Variants in CTNNA2 observed in about 807,000 individuals in gnomAD.
CTNNA2 encodes the protein catenin alpha-2.
CTNNA2 carries 42 observed loss-of-function variants against 101.0 expected under a neutral mutation model. The ratio of observed to expected loss-of-function variants is 0.42; its 90% CI spans 0.32 to 0.54. The LOEUF (loss-of-function observed/expected upper bound fraction) is 0.54. CTNNA2 is among the 20% of genes least tolerant of loss of function. The probability of loss-of-function intolerance (pLI) is 0.14; values close to 1 mark genes in which losing one functional copy is unlikely to be tolerated. For missense variants in CTNNA2, 871 were observed against 1,223.1 expected (o/e 0.71, Z 4.29); for synonymous variants, 450 against 456.4 (o/e 0.99, Z 0.18).
At chr2:80,027,972 C>CAAAAAA (rs1177032489) in intron 7 of CTNNA2, 43 of 19,750 alleles carry the variant, frequency 2.2e-3, no homozygotes, top group East Asian at 3.2e-3. Context: ...GACCCTGTCT[C>CAAAAAA]AAAAAAAAAA....
intron 7 of CTNNA2, among the ~76,000 whole-genome samples, chr2:80,057,601 G>A (rs775504816): frequency 7.2e-5 from 11 of 152,038 alleles, no homozygotes; most frequent in Non-Finnish European, 1.5e-4. Flanking sequence ...GGCAGTCCTC[G>A]GATGCTGTAT....
intron 12 of CTNNA2, chr2:80,572,723 G>A (rs1383490920): frequency 6.6e-6 from 1 of 152,110 alleles, no homozygotes; most frequent in Non-Finnish European, 1.5e-5. Flanking sequence ...TCATATTTGT[G>A]GCAGTACAGC....
intron 2 of CTNNA2, among the ~76,000 whole-genome samples, chr2:79,214,932 G>T (rs1329883315): frequency 6.6e-6 from 1 of 151,990 alleles, no homozygotes; most frequent in Non-Finnish European, 1.5e-5. Flanking sequence ...AGGGAAACAG[G>T]CCCTTGAAAA....
chr2:79,973,631 A>G (rs2104579456), intron 7 of CTNNA2, among the ~76,000 whole-genome samples: 1 of 152,286 alleles, frequency 6.6e-6, no homozygotes, highest in African/African-American at 2.4e-5. Flanking sequence ...CCTCACCAAA[A>G]TCTGATATTT....
At chr2:79,885,931 C>G (rs183522895) in intron 6 of CTNNA2, among the ~76,000 whole-genome samples, 1 of 152,238 alleles carries the variant, frequency 6.6e-6, no homozygotes. Flanking sequence ...CATCTCTAGG[C>G]CTTGGATTTT....
At chr2:80,353,032 G>T (rs1455304923) in intron 7 of CTNNA2, among the ~76,000 whole-genome samples, 1 of 152,084 alleles carries the variant, frequency 6.6e-6, no homozygotes, top group Non-Finnish European at 1.5e-5. Flanking sequence ...CTCTAAATGA[G>T]TGTTCAGGAG....
At chr2:80,349,735 G>C (rs1304704034) in intron 7 of CTNNA2, among the ~76,000 whole-genome samples, 1 of 152,022 alleles carries the variant, frequency 6.6e-6, no homozygotes, top group Non-Finnish European at 1.5e-5. Flanking sequence ...GCTTAGGCTG[G>C]TCTTGAATTG....
intron 3 of CTNNA2, among the ~76,000 whole-genome samples, chr2:79,318,872 G>A (rs1034714986): frequency 2.0e-5 from 3 of 152,172 alleles, no homozygotes; most frequent in African/African-American, 7.2e-5. Flanking sequence ...CAAGAAGTCT[G>A]CTACTTCTTC....
At chr2:79,752,658 G>A (rs1373915220) in intron 3 of CTNNA2, among the ~76,000 whole-genome samples, 1 of 152,074 alleles carries the variant, frequency 6.6e-6, no homozygotes, top group Non-Finnish European at 1.5e-5. Flanking sequence ...TTATTATTTT[G>A]TGTATCTCTG....
intron 7 of CTNNA2, among the ~76,000 whole-genome samples, chr2:79,928,700 G>T (rs922167672): frequency 3.9e-5 from 6 of 152,266 alleles, no homozygotes; most frequent in Admixed American, 2.0e-4. Context: ...GATAGAGGTG[G>T]ATCATCCAGC....
At chr2:79,579,482 A>G (rs1221179686) in intron 1 of CTNNA2, among the ~76,000 whole-genome samples, 3 of 151,552 alleles carry the variant, frequency 2.0e-5, no homozygotes, top group African/African-American at 7.3e-5. Flanking sequence ...ATCTTTCCTC[A>G]CCCTCCCTTT....
chr2:79,719,223 A>G (rs1330197235), intron 2 of CTNNA2, among the ~76,000 whole-genome samples: 2 of 152,076 alleles, frequency 1.3e-5, no homozygotes, highest in Non-Finnish European at 2.9e-5. Flanking sequence ...AGCTCTATAC[A>G]TGTTGCTTGA....
intron 7 of CTNNA2, among the ~76,000 whole-genome samples, chr2:80,034,354 C>CAT (rs1297779103): frequency 1.8e-5 from 1 of 54,080 alleles, no homozygotes; most frequent in Non-Finnish European, 5.2e-5. Flanking sequence ...ATTTTTTTTT[C>CAT]TTTTTTTTTT....
At chr2:79,511,971 T>G (rs1035444069), upstream of CTNNA2, among the ~76,000 whole-genome samples, 1 of 152,202 alleles carries the variant, frequency 6.6e-6, no homozygotes, top group Non-Finnish European at 1.5e-5. Context: ...TTCCACAGAT[T>G]TTCTTTTTGT....
At chr2:80,283,549 AGAACCT>A (rs1674540100) in intron 7 of CTNNA2, among the ~76,000 whole-genome samples, 1 of 152,208 alleles carries the variant, frequency 6.6e-6, no homozygotes, top group African/African-American at 2.4e-5. Context: ...CCTCTGAGAT[AGAACCT>A]GAATGTGTTT....
At chr2:79,253,463 C>T (rs558030888) in intron 2 of CTNNA2, among the ~76,000 whole-genome samples, 30 of 152,302 alleles carry the variant, frequency 2.0e-4, no homozygotes, top group African/African-American at 7.2e-4. Context: ...ATTTGCAAAT[C>T]AGCCTGCATC....
intron 4 of CTNNA2, among the ~76,000 whole-genome samples, chr2:79,468,422 T>C (rs921548628): frequency 6.6e-6 from 1 of 151,882 alleles, no homozygotes; most frequent in African/African-American, 2.4e-5. Flanking sequence ...TCCCACACAA[T>C]AATAATGGGA....
Position 79,830,449 on chromosome 2 carries a change from A to G in CTNNA2, c.299-27564A>G, listed in dbSNP as rs1052762541. On this transcript the variant is annotated intron_variant, in intron 3 of 18. Coordinates refer to ENST00000402739, the MANE Select transcript of CTNNA2 (RefSeq NM_001282597.3). ...AATCATAGGCCAGTGGATGCCTAAA[A>G]GGAGAAGTGGAGTGGGCTAAAAAAA... is the stretch of plus-strand genomic sequence containing the variant. Among the ~76,000 whole-genome samples, 89 of 152,296 alleles carry G rather than the reference A, an allele frequency of 5.8e-4. 1 individual carries two copies. The highest frequency in any genetic ancestry group is 2.1e-3 in the African/African-American group (87 of 41,574).
intron 7 of CTNNA2, among the ~76,000 whole-genome samples, chr2:80,267,397 A>G (rs1673083004): frequency 6.6e-6 from 1 of 152,230 alleles, no homozygotes; most frequent in Non-Finnish European, 1.5e-5. Flanking sequence ...TAAGACTGGC[A>G]TTTGCTGACA....
Sources: gnomAD v4.1 joint callset for allele counts (sites outside exome capture counted in the v4.1 genomes callset) on GRCh38, gnomAD v4.1.1 for gene constraint, MANE v1.5 for transcripts, NCBI Gene and HGNC (gene_info 2026-07-23, HGNC 2026-07-21) for gene names.